BANK1: variants seen among roughly 807,000 people sequenced by gnomAD.
BANK1 encodes the protein B cell scaffold protein with ankyrin repeats 1, also known as B-cell scaffold protein with ankyrin repeats.
Under a neutral mutation model 94.5 loss-of-function variants are expected in BANK1, and 95 were observed. The observed-to-expected ratio is 1.00, with a 90% CI of 0.85 to 1.19. The LOEUF is 1.19. Ranked by LOEUF, BANK1 falls within the 50% of genes most tolerant of loss-of-function variation. The pLI is 0.00. For synonymous variants in BANK1, 334 were observed against 308.4 expected, an observed-to-expected ratio of 1.08 and a Z score of -0.87; for missense variants, 987 against 932.2, an observed-to-expected ratio of 1.06 and a Z score of -0.77.
At chr4:102,022,501 A>G (rs1030764756) in intron 8 of BANK1, among the ~76,000 whole-genome samples, 4 of 152,132 alleles carry the variant, frequency 2.6e-5, no homozygotes, top group African/African-American at 9.7e-5. Context: ...TACTGCAATA[A>G]CACAGTGGAG....
chr4:101,826,223 ACTAAT>A (rs1240512607), intron 1 of BANK1, among the ~76,000 whole-genome samples: 2 of 151,988 alleles, frequency 1.3e-5, no homozygotes, highest in African/African-American at 4.8e-5. Flanking sequence ...CTTGATATTG[ACTAAT>A]CTAACTCATA....
chr4:101,894,796 T>C (rs1722006112), intron 5 of BANK1, among the ~76,000 whole-genome samples: 1 of 151,972 alleles, frequency 6.6e-6, no homozygotes, highest in Non-Finnish European at 1.5e-5. Flanking sequence ...AGTTACTCTG[T>C]ATCTGCAGGG....
chr4:101,961,710 G>A (rs1724575804), intron 7 of BANK1, among the ~76,000 whole-genome samples: 1 of 152,142 alleles, frequency 6.6e-6, no homozygotes, highest in African/African-American at 2.4e-5. Context: ...AAATAGATTA[G>A]AGAAATGTAT....
chr4:102,022,379 G>A (rs929978937), intron 8 of BANK1, among the ~76,000 whole-genome samples: 1 of 152,048 alleles, frequency 6.6e-6, no homozygotes, highest in African/African-American at 2.4e-5. Context: ...TACCCCATAT[G>A]CAATCAGTCT....
At chr4:101,973,947 A>G (rs1218544903) in intron 7 of BANK1, among the ~76,000 whole-genome samples, 2 of 152,034 alleles carry the variant, frequency 1.3e-5, no homozygotes, top group African/African-American at 4.8e-5. Context: ...GTGATATTCC[A>G]ATTATTATTA....
intron 6 of BANK1, among the ~76,000 whole-genome samples, chr4:101,901,401 T>C (rs1722277659): frequency 6.6e-6 from 1 of 152,178 alleles, no homozygotes; most frequent in African/African-American, 2.4e-5. Flanking sequence ...CTATGTAAAA[T>C]TTCAATTGAC....
intron 7 of BANK1, among the ~76,000 whole-genome samples, chr4:101,969,430 G>T (rs566711626): frequency 6.6e-6 from 1 of 152,072 alleles, no homozygotes; most frequent in African/African-American, 2.4e-5. Flanking sequence ...TGAAGTTTCA[G>T]ATATTATTTG....
At chr4:101,837,896 C>A (rs562292941) in intron 2 of BANK1, among the ~76,000 whole-genome samples, 60 of 151,522 alleles carry the variant, frequency 4.0e-4, no homozygotes, top group African/African-American at 1.4e-3. Context: ...CCCTCTCCCT[C>A]TCCCTCTCCC....
At chr4:101,899,576 A>G (rs767417649) in intron 6 of BANK1, among the ~76,000 whole-genome samples, 16 of 152,196 alleles carry the variant, frequency 1.1e-4, no homozygotes, top group Non-Finnish European at 2.2e-4. Context: ...TCAAAATTAT[A>G]CTATTGTTAT....
intron 3 of BANK1, among the ~76,000 whole-genome samples, chr4:101,856,581 G>C (rs1727687908): frequency 6.6e-6 from 1 of 152,130 alleles, no homozygotes; most frequent in Non-Finnish European, 1.5e-5. Flanking sequence ...CTAAATAGCT[G>C]CTTTTAAAAA....
chr4:102,008,744 G>A (rs1726388348), intron 7 of BANK1, among the ~76,000 whole-genome samples: 1 of 151,988 alleles, frequency 6.6e-6, no homozygotes, highest in Admixed American at 6.5e-5. Flanking sequence ...GAAAGACTGG[G>A]CCTAAAGCAA....
chr4:101,807,744 AT>A (rs1300190987), intron 1 of BANK1, among the ~76,000 whole-genome samples: 1 of 152,052 alleles, frequency 6.6e-6, no homozygotes, highest in Non-Finnish European at 1.5e-5. Flanking sequence ...AAGGTTCATT[AT>A]TTGCTTCAGG....
chr4:102,034,928 T>C (rs1727449324), intron 10 of BANK1, among the ~76,000 whole-genome samples: 1 of 152,194 alleles, frequency 6.6e-6, no homozygotes, highest in South Asian at 2.1e-4. Flanking sequence ...TATTTCTTCC[T>C]TCTAACCTAT....
At chr4:101,893,359 A>G (rs1180189005) in intron 5 of BANK1, among the ~76,000 whole-genome samples, 5 of 152,068 alleles carry the variant, frequency 3.3e-5, no homozygotes, top group South Asian at 2.1e-4. Context: ...CGTGAGTGTA[A>G]TAACTCTATG....
At chr4:102,073,792 C>A in intron 16 of BANK1, 44 bp downstream of exon 16, 1 of 1,475,922 alleles carries the variant, frequency 6.8e-7, no homozygotes, top group Non-Finnish European at 9.4e-7. Flanking sequence ...TCTAAAGCAG[C>A]CTTGTTAGGG....
Position 101,815,210 on chromosome 4 carries a change from T to C in BANK1, c.71-14598T>C, listed in dbSNP as rs1042503189. ...ACCCCGGACCATAGGTCAGGAACTG[T>C]CAGAACATATGCCCTCATGCTACAG... On this transcript the variant is annotated intron_variant, in intron 1 of 16. Coordinates refer to ENST00000322953, the MANE Select transcript of BANK1 (RefSeq NM_017935.5). 2.0e-5 allele frequency among the ~76,000 whole-genome samples: 3 copies of C among 152,112 alleles called. No individual in the cohort carries two copies. In the East Asian group the frequency reaches 5.8e-4, roughly 29 times the overall value.
At position 101,830,184 on chromosome 4, in the gene BANK1, AAT is replaced by A. The variant is rs780670528; in HGVS notation, c.448_449del (p.Ile150ProfsTer9). On this transcript the variant is annotated frameshift_variant, in exon 2 of 17. Transcript: ENST00000322953. LOFTEE classifies it high-confidence loss of function. ...EQEPEDYISV[I>X]QSIIFKDSED... ...AGGAACCTGAAGACTACATCTCTGT[AAT>A]CCAGAGTATCATATTCAAAGGTAGT... The A allele has an allele frequency of 6.5e-7, 1 of 1,541,596 alleles. No individual in the cohort carries two copies. The highest frequency in any genetic ancestry group is 8.7e-7 in the Non-Finnish European group (1 of 1,148,250).
intron 7 of BANK1, among the ~76,000 whole-genome samples, chr4:102,001,295 C>T (rs940070449): frequency 6.6e-6 from 1 of 152,164 alleles, no homozygotes; most frequent in African/African-American, 2.4e-5. Flanking sequence ...TTACCACTTC[C>T]TCTCTTAAAA....
intron 10 of BANK1, among the ~76,000 whole-genome samples, chr4:102,041,349 T>A (rs1240148700): frequency 6.6e-6 from 1 of 152,116 alleles, no homozygotes; most frequent in Non-Finnish European, 1.5e-5. Flanking sequence ...CAGGTGTGTT[T>A]GCTTCAGTGA....
Sources: allele counts gnomAD v4.1 joint callset (sites outside exome capture counted in the v4.1 genomes callset), GRCh38; gene constraint gnomAD v4.1.1; transcripts MANE v1.5; gene names NCBI Gene and HGNC (gene_info 2026-07-23, HGNC 2026-07-21).